Variants in CPQ observed in about 807,000 individuals in gnomAD.
The protein encoded by CPQ is Ser-Met dipeptidase.
In CPQ, 37 loss-of-function variants were observed where a neutral mutation model predicts 45.7. The observed-to-expected ratio is 0.81, with a 90% CI of 0.62 to 1.07. The LOEUF is 1.07. Among genes scored for constraint, CPQ ranks in the 50% least tolerant of loss-of-function variants. The pLI is 0.00. For missense variants in CPQ, 537 were observed against 572.9 expected (o/e 0.94, Z 0.64); for synonymous variants, 186 against 205.8 (o/e 0.90, Z 0.82).
intron 7 of CPQ, among the ~76,000 whole-genome samples, chr8:97,134,929 T>C (rs1195511543): frequency 1.3e-5 from 2 of 152,174 alleles, no homozygotes; most frequent in Non-Finnish European, 2.9e-5. Context: ...ATTCCCCTAT[T>C]TGGGGAGTCT....
chr8:96,968,469 T>C (rs1813607217), intron 5 of CPQ, among the ~76,000 whole-genome samples: 1 of 152,210 alleles, frequency 6.6e-6, no homozygotes, highest in Non-Finnish European at 1.5e-5. Context: ...ATTGCTGATA[T>C]ACTTGAACTA....
At chr8:96,861,008 G>A (rs1228055006) in intron 3 of CPQ, among the ~76,000 whole-genome samples, 1 of 152,096 alleles carries the variant, frequency 6.6e-6, no homozygotes, top group African/African-American at 2.4e-5. Flanking sequence ...AACGGAGGAA[G>A]GGTCAGAAAT....
At chr8:96,687,191 T>G (rs1343832886) in intron 1 of CPQ, among the ~76,000 whole-genome samples, 1 of 151,836 alleles carries the variant, frequency 6.6e-6, no homozygotes, top group East Asian at 1.9e-4. Context: ...TTCTCTTCTC[T>G]TCTCTTCTTT....
At chr8:96,685,114 C>CAAACAACAAAAAAAAAA (rs1554614004) in intron 1 of CPQ, among the ~76,000 whole-genome samples, 45 of 144,646 alleles carry the variant, frequency 3.1e-4, no homozygotes, top group African/African-American at 1.1e-3. Flanking sequence ...CAAAAACAAA[C>CAAACAACAAAAAAAAAA]AAACAACAAA....
chr8:96,896,173 T>C lies in CPQ; in HGVS notation c.849+16168T>C, dbSNP rs114906324. On this transcript the variant is annotated intron_variant, in intron 4 of 7. Coordinates refer to ENST00000220763, the MANE Select transcript of CPQ (RefSeq NM_016134.4). ...TATTGTACAGACAATAGAGATGCTA[T>C]CTTAACATCTCTGTTTGAGTTTTTC... is the stretch of plus-strand genomic sequence containing the variant. Among the ~76,000 whole-genome samples the C allele has an allele frequency of 5.7e-3, 874 of 152,246 alleles. 8 individuals carry two copies. The highest frequency in any genetic ancestry group is 0.019 in the African/African-American group (801 of 41,550).
chr8:96,675,188 C>T (rs1809059731), intron 1 of CPQ, among the ~76,000 whole-genome samples: 1 of 151,900 alleles, frequency 6.6e-6, no homozygotes, highest in Non-Finnish European at 1.5e-5. Flanking sequence ...TTCCTTCTTC[C>T]TCCTTGCTCT....
chr8:96,840,137 A>G (rs986969614), intron 3 of CPQ, among the ~76,000 whole-genome samples: 1 of 152,188 alleles, frequency 6.6e-6, no homozygotes, highest in Non-Finnish European at 1.5e-5. Context: ...GGTGTGTTCA[A>G]TAAAAAGGCA....
intron 7 of CPQ, among the ~76,000 whole-genome samples, chr8:97,105,198 T>G (rs1329826835): frequency 2.0e-5 from 3 of 152,178 alleles, no homozygotes; most frequent in African/African-American, 7.2e-5. Context: ...TTGGGGATTT[T>G]TTTAGATTAT....
chr8:96,907,419 A>G (rs1157277582), intron 4 of CPQ, among the ~76,000 whole-genome samples: 2 of 152,156 alleles, frequency 1.3e-5, no homozygotes, highest in Non-Finnish European at 2.9e-5. Flanking sequence ...TAGTGAGCTT[A>G]AAAACACCAG....
At chr8:96,793,597 C>A (rs571825222) in intron 2 of CPQ, among the ~76,000 whole-genome samples, 1 of 152,260 alleles carries the variant, frequency 6.6e-6, no homozygotes, top group African/African-American at 2.4e-5. Context: ...AATCTATGTC[C>A]TCACATTTCA....
chr8:97,044,372 G>T (rs900977788), intron 6 of CPQ, among the ~76,000 whole-genome samples: 1 of 152,092 alleles, frequency 6.6e-6, no homozygotes, highest in African/African-American at 2.4e-5. Flanking sequence ...GGTCATTCTA[G>T]TTATACATTC....
intron 1 of CPQ, among the ~76,000 whole-genome samples, chr8:96,668,509 A>C (rs1808957638): frequency 1.3e-5 from 2 of 152,214 alleles, no homozygotes; most frequent in Admixed American, 6.5e-5. Context: ...GACCATATTC[A>C]GGAAAAAATG....
chr8:96,771,637 G>A (rs930088690), intron 1 of CPQ, among the ~76,000 whole-genome samples: 8 of 152,226 alleles, frequency 5.3e-5, no homozygotes, highest in African/African-American at 1.9e-4. Context: ...CTGTAATTTG[G>A]AATCGTTTGT....
At chr8:96,991,296 C>T (rs1246143625) in intron 5 of CPQ, among the ~76,000 whole-genome samples, 2 of 152,114 alleles carry the variant, frequency 1.3e-5, no homozygotes, top group African/African-American at 4.8e-5. Context: ...TGGCTCACAC[C>T]TCTAATCCCC....
intron 1 of CPQ, among the ~76,000 whole-genome samples, chr8:96,748,289 A>G (rs1293078124): frequency 6.6e-6 from 1 of 151,892 alleles, no homozygotes; most frequent in Non-Finnish European, 1.5e-5. Context: ...GGCAATAAAA[A>G]CCCTTAATTT....
At chr8:96,954,302 T>C (rs1813317065) in intron 4 of CPQ, among the ~76,000 whole-genome samples, 1 of 152,116 alleles carries the variant, frequency 6.6e-6, no homozygotes, top group Non-Finnish European at 1.5e-5. Context: ...ATTCAACACA[T>C]GGCTACAATC....
At chr8:96,868,554 A>G (rs1812023810) in intron 3 of CPQ, among the ~76,000 whole-genome samples, 2 of 152,030 alleles carry the variant, frequency 1.3e-5, no homozygotes, top group East Asian at 1.9e-4. Context: ...CCTTGTTCAT[A>G]CTTTTCTGTT....
At chr8:96,798,491 A>G (rs1433491488) in intron 2 of CPQ, among the ~76,000 whole-genome samples, 1 of 152,048 alleles carries the variant, frequency 6.6e-6, no homozygotes, top group Non-Finnish European at 1.5e-5. Context: ...TTTTGTTTAT[A>G]AACATTCTCC....
At position 96,755,008 on chromosome 8, in the gene CPQ, C is replaced by T. The variant is rs1810312664; in HGVS notation, c.-34-29856C>T. Reference sequence around the variant, plus strand: ...TTGTTTAAAAATTCATCACTGTTCACCCTAGATTTATATTTTATTCTTCCT... The same window carrying T: ...TTGTTTAAAAATTCATCACTGTTCATCCTAGATTTATATTTTATTCTTCCT... On this transcript the variant is annotated intron_variant, in intron 1 of 7. Coordinates refer to ENST00000220763, the MANE Select transcript of CPQ (RefSeq NM_016134.4). 2.6e-5 allele frequency among the ~76,000 whole-genome samples: 4 copies of T among 151,826 alleles called. No homozygotes were observed. In the South Asian group the frequency reaches 8.3e-4, roughly 31 times the overall value.
Sources: allele counts gnomAD v4.1 joint callset (sites outside exome capture counted in the v4.1 genomes callset), GRCh38; gene constraint gnomAD v4.1.1; transcripts MANE v1.5; gene names NCBI Gene and HGNC (gene_info 2026-07-23, HGNC 2026-07-21).